PHLPP1: variants seen among roughly 807,000 people sequenced by gnomAD.
PHLPP1 encodes PH domain leucine-rich repeat-containing protein phosphatase 1.
PHLPP1 carries 42 observed loss-of-function variants against 117.2 expected under a neutral mutation model. The observed-to-expected ratio is 0.36, with a 90% CI of 0.28 to 0.46. The LOEUF (loss-of-function observed/expected upper bound fraction) is 0.46. Among genes scored for constraint, PHLPP1 ranks in the 20% least tolerant of loss-of-function variants. The pLI, the probability that PHLPP1 is intolerant of heterozygous loss-of-function variation, is 1.00. For missense variants in PHLPP1, 2,084 were observed against 2,241.9 expected (o/e 0.93, Z 1.42); for synonymous variants, 1,042 against 970.7 (o/e 1.07, Z -1.37).
At chr18:62,947,194 TC>T (rs1910321399) in intron 12 of PHLPP1, among the ~76,000 whole-genome samples, 1 of 152,238 alleles carries the variant, frequency 6.6e-6, no homozygotes, top group Non-Finnish European at 1.5e-5. Flanking sequence ...CTGCTCTGTT[TC>T]CTCGTATGTT....
chr18:62,887,030 A>G (rs575734316), intron 4 of PHLPP1, among the ~76,000 whole-genome samples: 29 of 152,354 alleles, frequency 1.9e-4, no homozygotes, highest in African/African-American at 6.7e-4. Context: ...TATAGTGTTC[A>G]GAATATTCAC....
intron 1 of PHLPP1, among the ~76,000 whole-genome samples, chr18:62,759,998 C>T (rs1165842092): frequency 6.6e-6 from 1 of 152,092 alleles, no homozygotes; most frequent in Admixed American, 6.5e-5. Flanking sequence ...TCTCTTTGCC[C>T]CTTGGGTTCC....
intron 15 of PHLPP1, among the ~76,000 whole-genome samples, chr18:62,974,775 T>A (rs1474761608): frequency 1.3e-5 from 2 of 152,232 alleles, no homozygotes; most frequent in Non-Finnish European, 2.9e-5. Context: ...GGTATTTGAT[T>A]ACTAGAATGT....
At chr18:62,749,821 G>A (rs1352990882) in intron 1 of PHLPP1, among the ~76,000 whole-genome samples, 1 of 152,168 alleles carries the variant, frequency 6.6e-6, no homozygotes, top group Non-Finnish European at 1.5e-5. Flanking sequence ...TTCGAGACTA[G>A]CCTGGCCAAC....
chr18:62,797,156 G>A (rs1913650818), intron 1 of PHLPP1, among the ~76,000 whole-genome samples: 1 of 152,146 alleles, frequency 6.6e-6, no homozygotes, highest in South Asian at 2.1e-4. Flanking sequence ...CGACCTGTTT[G>A]GGTAGGAATA....
intron 1 of PHLPP1, among the ~76,000 whole-genome samples, chr18:62,720,415 AC>A (rs1910880972): frequency 6.6e-6 from 1 of 152,182 alleles, no homozygotes; most frequent in Admixed American, 6.6e-5. Context: ...CATTCACTGT[AC>A]CTAGTGAATC....
Position 62,978,330 on chromosome 18 carries a change from G to C in PHLPP1, c.4053G>C (p.Val1351=), listed in dbSNP as rs552942476. The C allele has an allele frequency of 3.7e-6, 6 of 1,613,254 alleles. No individual in the cohort carries two copies. The highest frequency in any genetic ancestry group is 1.7e-4 in the Middle Eastern group (1 of 6,052). Residue 1351 remains valine (V), a synonymous_variant, in exon 17 of 17, where the codon GTG becomes GTC. Coordinates refer to ENST00000262719, the MANE Select transcript of PHLPP1 (RefSeq NM_194449.4). The surrounding 1 kb of genome is among the most constrained non-coding windows in gnomAD (Gnocchi z 7.0). ...GCTACACCTTCCTCCATCCCAGTGT[G>C]GTGCCTCGCCCCCACGTGCAGTCCG... ...ILGYTFLHPS[V]VPRPHVQSVL...
intron 12 of PHLPP1, among the ~76,000 whole-genome samples, chr18:62,951,990 AT>A (rs994789251): frequency 1.4e-4 from 21 of 149,328 alleles, no homozygotes; most frequent in South Asian, 2.1e-4. Flanking sequence ...AATTTTTTGT[AT>A]TTTTTTTTAG....
chr18:62,749,745 G>GC (rs1287898499), intron 1 of PHLPP1, among the ~76,000 whole-genome samples: 3 of 152,178 alleles, frequency 2.0e-5, no homozygotes, highest in Non-Finnish European at 4.4e-5. Flanking sequence ...AGGGTTGGGC[G>GC]CGGTGGCTCA....
At chr18:62,888,329 G>T (rs1188210091) in intron 4 of PHLPP1, among the ~76,000 whole-genome samples, 1 of 133,938 alleles carries the variant, frequency 7.5e-6, no homozygotes, top group East Asian at 2.0e-4. Context: ...GTGTGTGTGT[G>T]TGTGTATGTT....
intron 8 of PHLPP1, among the ~76,000 whole-genome samples, chr18:62,905,998 A>G (rs1401247127): frequency 6.6e-6 from 1 of 151,974 alleles, no homozygotes; most frequent in East Asian, 1.9e-4. Context: ...TAAAATTGCA[A>G]CTCATTTGGA....
chr18:62,829,487 C>CA (rs1419562769), intron 1 of PHLPP1, among the ~76,000 whole-genome samples: 1 of 152,216 alleles, frequency 6.6e-6, no homozygotes, highest in African/African-American at 2.4e-5. Flanking sequence ...CGTGGTGGCT[C>CA]ACGCCTGTAA....
chr18:62,955,802 C>T lies in PHLPP1; in HGVS notation c.3325-2827C>T, dbSNP rs71353373. ...TCTTTGACCAAAGGCATTTTCTGAC[C>T]CCTGAATTTTGTTGTCAACTACTTG... On this transcript the variant is annotated intron_variant, in intron 12 of 16. Transcript: ENST00000262719. 8.4e-3 allele frequency among the ~76,000 whole-genome samples: 1,281 copies of T among 151,950 alleles called. 4 individuals carry two copies. The highest frequency in any genetic ancestry group is 0.014 in the Non-Finnish European group (959 of 67,952).
At chr18:62,942,590 G>A (rs540163586) in intron 11 of PHLPP1, among the ~76,000 whole-genome samples, 4 of 152,030 alleles carry the variant, frequency 2.6e-5, no homozygotes, top group East Asian at 1.9e-4. Flanking sequence ...TCTAATTTTC[G>A]GTGAGCGGTG....
chr18:62,890,414 C>T (rs925266605), intron 4 of PHLPP1, among the ~76,000 whole-genome samples: 4 of 151,922 alleles, frequency 2.6e-5, no homozygotes, highest in Admixed American at 6.6e-5. Context: ...TACAGGCACC[C>T]GCCACCACGC....
At chr18:62,765,537 G>T (rs1912442875) in intron 1 of PHLPP1, among the ~76,000 whole-genome samples, 2 of 152,166 alleles carry the variant, frequency 1.3e-5, no homozygotes, top group Non-Finnish European at 2.9e-5. Context: ...AAGTACCCAA[G>T]GGAAGACTGC....
intron 9 of PHLPP1, among the ~76,000 whole-genome samples, chr18:62,917,690 G>C (rs544016079): frequency 1.3e-5 from 2 of 151,784 alleles, no homozygotes; most frequent in African/African-American, 2.4e-5. Flanking sequence ...GCGTGTGCCT[G>C]TAGTCCCAGC....
chr18:62,793,882 T>G (rs1041390008), intron 1 of PHLPP1, among the ~76,000 whole-genome samples: 1 of 152,212 alleles, frequency 6.6e-6, no homozygotes, highest in Non-Finnish European at 1.5e-5. Flanking sequence ...AGCCTGCCAG[T>G]TGGGTCTTAA....
chr18:62,906,347 G>T (rs567012266), intron 8 of PHLPP1: 1 of 151,686 alleles, frequency 6.6e-6, no homozygotes, highest in South Asian at 2.1e-4. Flanking sequence ...AGCTCCCAGC[G>T]TGAGCGACGC....
Sources: allele counts gnomAD v4.1 joint callset (sites outside exome capture counted in the v4.1 genomes callset), GRCh38; gene constraint gnomAD v4.1.1; non-coding constraint Gnocchi (gnomAD v3.1); transcripts MANE v1.5; gene names NCBI Gene and HGNC (gene_info 2026-07-23, HGNC 2026-07-21).